The following GPHN variants were observed in gnomAD, a reference collection of about 807,000 sequenced individuals.
GPHN encodes the protein gephyrin.
Under a neutral mutation model 95.5 loss-of-function variants are expected in GPHN, and 17 were observed. That is an observed-to-expected ratio of 0.18 (90% CI 0.12 to 0.27). The LOEUF (loss-of-function observed/expected upper bound fraction) is 0.27. Ranked by LOEUF, GPHN falls within the 10% of genes least tolerant of loss-of-function variation. The probability of loss-of-function intolerance (pLI) is 1.00; values close to 1 mark genes in which losing one functional copy is unlikely to be tolerated. For synonymous variants in GPHN, 320 were observed against 322.5 expected (o/e 0.99, Z 0.08); for missense variants, 660 against 978.1 (o/e 0.67, Z 4.34).
At chr14:66,931,181 C>T (rs1567116714) in intron 8 of GPHN, among the ~76,000 whole-genome samples, 1 of 152,072 alleles carries the variant, frequency 6.6e-6, no homozygotes, top group African/African-American at 2.4e-5. Flanking sequence ...CATTCTCTCC[C>T]AGCCTGTAAG....
At chr14:67,229,182 A>G in the GPHN span, among the ~76,000 whole-genome samples, 1 of 152,274 alleles carries the variant, frequency 6.6e-6, no homozygotes, top group East Asian at 1.9e-4. Flanking sequence ...CAAGAAGCCC[A>G]ACAGCCAAGC....
At chr14:67,612,883 C>T in the GPHN span, among the ~76,000 whole-genome samples, 5,472 of 151,696 alleles carry the variant, frequency 0.036, 261 homozygotes, top group African/African-American at 0.11. Context: ...AGGTGGAGGT[C>T]ACAGTGAGCC....
At chr14:67,132,939 A>C (rs1195152471) in intron 17 of GPHN, among the ~76,000 whole-genome samples, 1 of 151,408 alleles carries the variant, frequency 6.6e-6, no homozygotes, top group African/African-American at 2.4e-5. Flanking sequence ...TGCTTATTTC[A>C]CTCATTTTTC....
the GPHN span, among the ~76,000 whole-genome samples, chr14:67,418,680 GGAGT>G: frequency 1.3e-5 from 2 of 152,184 alleles, no homozygotes; most frequent in Admixed American, 1.3e-4. Context: ...GATCTGGGGT[GGAGT>G]GAGGGGGTAG....
the GPHN span, chr14:67,691,153 T>A: frequency 6.2e-7 from 1 of 1,612,638 alleles, no homozygotes; most frequent in Non-Finnish European, 8.5e-7. Context: ...AGTGGTTGAC[T>A]CCTATGTGCA....
At chr14:66,546,105 A>T (rs917252272) in intron 1 of GPHN, among the ~76,000 whole-genome samples, 2 of 145,902 alleles carry the variant, frequency 1.4e-5, no homozygotes, top group Non-Finnish European at 3.0e-5. Context: ...GCGGCGGGGC[A>T]GAGGCGCTCC....
At chr14:66,781,326 C>T (rs1403407363) in intron 3 of GPHN, among the ~76,000 whole-genome samples, 1 of 151,890 alleles carries the variant, frequency 6.6e-6, no homozygotes, top group Non-Finnish European at 1.5e-5. Flanking sequence ...AAGCAATTCT[C>T]CTGCCTCAGC....
chr14:66,932,468 T>TC (rs1218143677), intron 8 of GPHN, among the ~76,000 whole-genome samples: 1 of 137,098 alleles, frequency 7.3e-6, no homozygotes, highest in Non-Finnish European at 1.6e-5. Context: ...TTTTTTTTTT[T>TC]TTTTTTTTTT....
At chr14:67,261,505 A>G in the GPHN span, among the ~76,000 whole-genome samples, 1 of 152,196 alleles carries the variant, frequency 6.6e-6, no homozygotes, top group South Asian at 2.1e-4. Flanking sequence ...TAATTTGTAT[A>G]ACAGGAGTCT....
the GPHN span, among the ~76,000 whole-genome samples, chr14:67,607,075 T>A: frequency 6.6e-6 from 1 of 152,312 alleles, no homozygotes; most frequent in East Asian, 1.9e-4. Flanking sequence ...AGAATCTCAG[T>A]TTTAGCAAGA....
the GPHN span, chr14:67,302,318 ATTG>A: frequency 8.9e-7 from 1 of 1,125,506 alleles, no homozygotes. Context: ...GAAGGTTAGT[ATTG>A]TTGAATGGAA....
intron 4 of GPHN, among the ~76,000 whole-genome samples, chr14:66,863,645 A>T (rs1377044378): frequency 6.6e-6 from 1 of 152,226 alleles, no homozygotes; most frequent in Non-Finnish European, 1.5e-5. Flanking sequence ...AACAGAATAG[A>T]GAATCTAAAA....
intron 9 of GPHN, among the ~76,000 whole-genome samples, chr14:67,010,567 A>G (rs1245487057): frequency 6.6e-6 from 1 of 151,336 alleles, no homozygotes; most frequent in Non-Finnish European, 1.5e-5. Flanking sequence ...AAAAAAAAAA[A>G]AAGAAAGAAA....
At chr14:67,333,078 T>TTAGATCTTGATCTTAGATCAAGA in the GPHN span, 2 of 815,048 alleles carry the variant, frequency 2.5e-6, no homozygotes, top group Non-Finnish European at 3.8e-6. Context: ...GCTGTAGATC[T>TTAGATCTTGATCTTAGATCAAGA]GTTCTTAGAT....
Position 67,014,969 on chromosome 14 carries a change from A to G in GPHN, c.964-8664A>G, listed in dbSNP as rs10138851. ...GTTCAACTTGGAATTAAAGCTTTAT[A>G]TAGGAAATACATTAAGAACATTTAA... On this transcript the variant is annotated intron_variant, in intron 9 of 22. Transcript: ENST00000478722. Among the ~76,000 whole-genome samples, 1,442 of 152,338 alleles carry G rather than the reference A, an allele frequency of 9.5e-3. 24 individuals are homozygous for G. Among genetic ancestry groups the G allele is most frequent in the African/African-American group, 0.033 (1,362 of 41,566 alleles).
At chr14:67,598,783 C>G in the GPHN span, among the ~76,000 whole-genome samples, 1 of 149,934 alleles carries the variant, frequency 6.7e-6, no homozygotes, top group Non-Finnish European at 1.5e-5. Flanking sequence ...GATCTCGGCT[C>G]ACTGCTACCT....
chr14:67,641,261 G>C, the GPHN span, among the ~76,000 whole-genome samples: 1 of 152,142 alleles, frequency 6.6e-6, no homozygotes, highest in South Asian at 2.1e-4. Flanking sequence ...GTTTAGACTT[G>C]AGTTCCATCC....
the GPHN span, among the ~76,000 whole-genome samples, chr14:67,608,784 G>A: frequency 3.3e-5 from 5 of 152,212 alleles, no homozygotes; most frequent in Admixed American, 1.3e-4. Context: ...TATTCTTGTT[G>A]TGTCCTCACA....
At chr14:67,017,414 A>G (rs918297114) in intron 9 of GPHN, among the ~76,000 whole-genome samples, 1 of 152,124 alleles carries the variant, frequency 6.6e-6, no homozygotes, top group African/African-American at 2.4e-5. Context: ...TGGGTAGGCT[A>G]AAGAGGCAAG....
Sources: allele counts gnomAD v4.1 joint callset (sites outside exome capture counted in the v4.1 genomes callset), GRCh38; gene constraint gnomAD v4.1.1; transcripts MANE v1.5; gene names NCBI Gene and HGNC (gene_info 2026-07-23, HGNC 2026-07-21).